ROS1: variants seen among roughly 807,000 people sequenced by gnomAD.
ROS1 encodes the protein ROS proto-oncogene 1, receptor tyrosine kinase.
Under a neutral mutation model 273.5 loss-of-function variants are expected in ROS1, and 263 were observed. That is an observed-to-expected ratio of 0.96 (90% CI 0.87 to 1.06). The LOEUF (loss-of-function observed/expected upper bound fraction) is 1.06. ROS1 is among the 50% of genes least tolerant of loss of function. ROS1 has a pLI of 0.00. For missense variants in ROS1, 2,833 were observed against 2,751.1 expected, an observed-to-expected ratio of 1.03 and a Z score of -0.67; for synonymous variants, 1,008 against 954.1, an observed-to-expected ratio of 1.06 and a Z score of -1.04.
At chr6:117,389,290 G>A (rs1582821229) in intron 13 of ROS1, 60 bp downstream of exon 13, 3 of 1,533,004 alleles carry the variant, frequency 2.0e-6, no homozygotes, top group Non-Finnish European at 2.6e-6. Context: ...ACGCCAAGCA[G>A]TTCAAACCTT....
chr6:117,322,021 TA>T (rs1554225769), intron 35 of ROS1, among the ~76,000 whole-genome samples: 4 of 151,868 alleles, frequency 2.6e-5, no homozygotes, highest in African/African-American at 9.7e-5. Flanking sequence ...TTTATAATAA[TA>T]AAATTTTTTT....
At chr6:117,326,662 G>C (rs762403655) in intron 33 of ROS1, among the ~76,000 whole-genome samples, 2 of 151,938 alleles carry the variant, frequency 1.3e-5, no homozygotes, top group Non-Finnish European at 2.9e-5. Flanking sequence ...GGTGAAGAGA[G>C]AGCTGAGTAC....
Position 117,377,192 on chromosome 6 carries a change from C to T in ROS1, c.2582+1867G>A, listed in dbSNP as rs530564467. 5.3e-5 allele frequency among the ~76,000 whole-genome samples: 8 copies of T among 152,268 alleles called. No homozygotes were observed. The East Asian group carries it at 1.2e-3, about 22-fold the overall frequency. On this transcript the variant is annotated intron_variant, in intron 18 of 43. Coordinates refer to ENST00000368507, the MANE Select transcript of ROS1 (RefSeq NM_001378902.1). ...ATGGCGCGATCTCAGCTCACTGTAA[C>T]CTCTGCCTCCCCGGTTCAATTGATT...
chr6:117,294,440 T>C (rs1774065138), intron 43 of ROS1, among the ~76,000 whole-genome samples: 1 of 152,174 alleles, frequency 6.6e-6, no homozygotes, highest in Non-Finnish European at 1.5e-5. Context: ...TGTTGAACTA[T>C]CCTTGCATCC....
At chr6:117,316,716 T>C (rs1218620046) in intron 39 of ROS1, among the ~76,000 whole-genome samples, 1 of 152,058 alleles carries the variant, frequency 6.6e-6, no homozygotes, top group Non-Finnish European at 1.5e-5. Flanking sequence ...GCAAAATATG[T>C]TTGAGATACC....
intron 39 of ROS1, among the ~76,000 whole-genome samples, chr6:117,312,546 C>G (rs1302969541): frequency 6.6e-6 from 1 of 152,104 alleles, no homozygotes; most frequent in Admixed American, 6.6e-5. Context: ...TGGAACCCTG[C>G]TCTGCTCTTG....
At chr6:117,349,992 G>C (rs1158511822) in intron 27 of ROS1, among the ~76,000 whole-genome samples, 1 of 151,890 alleles carries the variant, frequency 6.6e-6, no homozygotes, top group Non-Finnish European at 1.5e-5. Context: ...ATATGTTATT[G>C]CTATTACTAT....
intron 39 of ROS1, among the ~76,000 whole-genome samples, chr6:117,311,895 A>G (rs1582584810): frequency 6.6e-6 from 1 of 152,128 alleles, no homozygotes; most frequent in East Asian, 1.9e-4. Context: ...TTGTCCTGCA[A>G]TTACCCTGGT....
chr6:117,324,411 A>C lies in ROS1; in HGVS notation c.5544T>G (p.Asp1848Glu), dbSNP rs192321490. 7.2e-5 allele frequency: 96 copies of C among 1,341,358 alleles called. 1 individual carries two copies. In the Admixed American group the frequency reaches 1.8e-3, roughly 25 times the overall value. 83.1% of individuals were successfully genotyped at this position (1,341,358 alleles called of 1,614,324 possible). A position where few individuals can be genotyped will look rare whatever the true frequency, so the allele number is the denominator to read the frequency against. Residue 1848 changes from aspartate to glutamate, a missense_variant, in exon 35 of 44, where the codon GAT becomes GAG. Coordinates refer to ENST00000368507, the MANE Select transcript of ROS1 (RefSeq NM_001378902.1). Reference sequence around the variant, plus strand: ...TGAAACTTGTTTCTGGTATCCAAAAATCATCTAATAATATAAATCAGAAAA... The same window carrying C: ...TGAAACTTGTTTCTGGTATCCAAAACTCATCTAATAATATAAATCAGAAAA... ...ISENIILVGD[D>E]FWIPETSFIL...
chr6:117,419,873 A>G (rs534145718), intron 1 of ROS1, among the ~76,000 whole-genome samples: 43 of 152,198 alleles, frequency 2.8e-4, no homozygotes, highest in African/African-American at 8.7e-4. Context: ...ATGACCATCA[A>G]ATGGTCTTGG....
chr6:117,362,892 A>G, intron 21 of ROS1, 27 bp from the exon 22 acceptor site: 5 of 1,559,808 alleles, frequency 3.2e-6, no homozygotes, highest in Non-Finnish European at 4.3e-6. Flanking sequence ...CAGGTAGAGC[A>G]GAAAAGAATA....
At chr6:117,307,453 T>C (rs180768818) in intron 42 of ROS1, among the ~76,000 whole-genome samples, 2 of 152,290 alleles carry the variant, frequency 1.3e-5, no homozygotes, top group Non-Finnish European at 1.5e-5. Context: ...TTTGTAAATA[T>C]TTAATTAAAA....
At chr6:117,355,370 G>T (rs1194456748) in intron 26 of ROS1, among the ~76,000 whole-genome samples, 19 of 152,150 alleles carry the variant, frequency 1.2e-4, no homozygotes, top group Non-Finnish European at 2.9e-5. Context: ...CATAGGAATT[G>T]CTTCTAAAAG....
At chr6:117,297,632 C>G (rs556882724) in intron 43 of ROS1, among the ~76,000 whole-genome samples, 1 of 152,242 alleles carries the variant, frequency 6.6e-6, no homozygotes, top group Non-Finnish European at 1.5e-5. Flanking sequence ...CCCAAAATCC[C>G]TAATCATCGG....
chr6:117,342,456 T>A lies in ROS1; in HGVS notation c.4595A>T (p.Asp1532Val), dbSNP rs373022618. The A allele has an allele frequency of 4.3e-5, 70 of 1,611,394 alleles. No individual in the cohort carries two copies. Among genetic ancestry groups the A allele is most frequent in the Admixed American group, 1.8e-4 (11 of 59,854 alleles). ...TCCTGGTGGTAAATGTTCCAAAGGA[T>A]CTGAATAATAATTTTTTACAGCTAT... ...IQIAVKNYYS[D>V]PLEHLPPGKE... The change falls in exon 29 of 44, where the codon GAT becomes GTT. Residue 1532 changes from aspartate (D) to valine (V), a missense_variant. Asp to Val is a radical substitution (Grantham distance 152). Transcript: ENST00000368507.
chr6:117,335,243 C>T (rs1415239250), intron 32 of ROS1, among the ~76,000 whole-genome samples: 1 of 152,144 alleles, frequency 6.6e-6, no homozygotes, highest in Non-Finnish European at 1.5e-5. Context: ...GAAAAAAGCT[C>T]AACATCACTG....
At chr6:117,382,910 T>A (rs1367576079) in intron 17 of ROS1, among the ~76,000 whole-genome samples, 5 of 152,152 alleles carry the variant, frequency 3.3e-5, no homozygotes, top group African/African-American at 1.2e-4. Flanking sequence ...AAACAGTTTT[T>A]AAAACAGTCA....
At chr6:117,337,070 T>C in intron 32 of ROS1, 102 bp downstream of exon 32, 1 of 942,092 alleles carries the variant, frequency 1.1e-6, no homozygotes, top group Non-Finnish European at 1.6e-6. Context: ...AATGTACTGC[T>C]TTTAAAGAAC....
intron 34 of ROS1, 118 bp downstream of exon 34, chr6:117,326,089 GATTATATATATATATAT>G (rs1488854113): frequency 2.5e-4 from 41 of 166,726 alleles, no homozygotes; most frequent in East Asian, 1.8e-3. Flanking sequence ...TGGATAATAA[GATTATATATATATATAT>G]ATATATATAT....
Sources: allele counts gnomAD v4.1 joint callset (sites outside exome capture counted in the v4.1 genomes callset), GRCh38; gene constraint gnomAD v4.1.1; transcripts MANE v1.5; gene names NCBI Gene and HGNC (gene_info 2026-07-23, HGNC 2026-07-21).